EHMT2: variants seen among roughly 807,000 people sequenced by gnomAD.
EHMT2 encodes the protein euchromatic histone lysine methyltransferase 2, also known as histone-lysine N-methyltransferase EHMT2.
In EHMT2, 59 loss-of-function variants were observed where a neutral mutation model predicts 143.3. That is an observed-to-expected ratio of 0.41 (90% CI 0.33 to 0.51). The LOEUF is 0.51. EHMT2 is among the 20% of genes least tolerant of loss of function. The pLI, the probability that EHMT2 is intolerant of heterozygous loss-of-function variation, is 0.18. For synonymous variants in EHMT2, 604 were observed against 651.5 expected (o/e 0.93, Z 1.11); for missense variants, 1,174 against 1,645.9 (o/e 0.71, Z 4.96).
At chr6:31,886,680 C>G in exon 18 of EHMT2, 1 of 1,614,068 alleles carries the variant, frequency 6.2e-7, no homozygotes, top group South Asian at 1.1e-5. Context: ...AACCGTCCTC[C>G]TCCTGAGGGA....
intron 4 of EHMT2, among the ~76,000 whole-genome samples, chr6:31,894,079 T>C (rs1766043807): frequency 6.6e-6 from 1 of 152,046 alleles, no homozygotes; most frequent in Non-Finnish European, 1.5e-5. Flanking sequence ...GGTTCAAGCG[T>C]TTCTCTCACC....
intron 17 of EHMT2, 38 bp from the exon 18 acceptor site, chr6:31,886,720 A>G (rs762741247): frequency 1.2e-6 from 2 of 1,613,688 alleles, no homozygotes. Context: ...TTGGGCTGGC[A>G]CCCCAAACCT....
In EHMT2 at chr6:31,889,724, T is replaced by C; in HGVS notation, c.865-122A>G. The C allele has an allele frequency of 7.8e-7, 1 of 1,282,914 alleles. No homozygotes were observed. Among genetic ancestry groups the C allele is most frequent in the East Asian group, 2.3e-5 (1 of 43,340 alleles). 79.5% of individuals were successfully genotyped at this position (1,282,914 alleles called of 1,614,324 possible). On this transcript the variant is annotated intron_variant, in intron 7 of 27. Transcript: ENST00000375537. The surrounding 1 kb of genome is among the most constrained non-coding windows in gnomAD (Gnocchi z 5.1). ...CACGGATGGCTGCTGGGGATAAGTG[T>C]GGGTAGCAGAGGAGACAAAGGGCCA... is the stretch of plus-strand genomic sequence containing the variant.
In EHMT2 at chr6:31,896,826, T is replaced by C; in HGVS notation, c.110-2A>G. The C allele has an allele frequency of 1.2e-6, 2 of 1,612,788 alleles. No homozygotes were observed. Among genetic ancestry groups the C allele is most frequent in the Non-Finnish European group, 1.7e-6 (2 of 1,180,000 alleles). ...GGGTGTCCCCCAAAGAGCCATGAAC[T>C]GTAGAGGAAGAGAAAAAGTTCAGAG... On this transcript the variant is annotated splice_acceptor_variant, in intron 2 of 27. Coordinates refer to ENST00000375537, the Ensembl canonical transcript of EHMT2. LOFTEE classifies it high-confidence loss of function.
chr6:31,887,874 G>A, exon 14 of EHMT2: 1 of 1,611,890 alleles, frequency 6.2e-7, no homozygotes, highest in Non-Finnish European at 8.5e-7. Context: ...CATTGGGCAG[G>A]GTCAGGGAGG....
rs1765222332 is a variant in EHMT2 at position 31,888,561 on chromosome 6, G to A, written c.1365+38C>T. The stretch of plus-strand genomic sequence containing the variant: ...AGCGTGAGGCTGGGGCCGGGGACTG[G>A]ACGCCCTGGCACCTCTCCCACCAGC... On this transcript the variant is annotated intron_variant, in intron 11 of 27. Coordinates refer to ENST00000375537, the Ensembl canonical transcript of EHMT2. This position sits in a 1 kb window ranked among gnomAD's most constrained non-coding sequence, Gnocchi z 7.4. 1 of 1,609,442 alleles carries A rather than the reference G, an allele frequency of 6.2e-7. No individual in the cohort carries two copies.
At chr6:31,896,691 G>A (rs372420639) in exon 3 of EHMT2, 1 of 1,611,536 alleles carries the variant, frequency 6.2e-7, no homozygotes, top group Non-Finnish European at 8.5e-7. Flanking sequence ...CCCCTACAGG[G>A]GTGTCAGCCC....
exon 4 of EHMT2, chr6:31,896,489 G>T (rs1301432309): frequency 4.3e-6 from 7 of 1,613,026 alleles, no homozygotes; most frequent in Non-Finnish European, 5.9e-6. Flanking sequence ...CTTGCTGGGG[G>T]AAGAGGGGAA....
chr6:31,894,182 T>A (rs1178396272), intron 4 of EHMT2, among the ~76,000 whole-genome samples: 1 of 151,894 alleles, frequency 6.6e-6, no homozygotes, highest in Non-Finnish European at 1.5e-5. Context: ...GTTTTGCTCT[T>A]GTTGTCCAGG....
At position 31,892,392 on chromosome 6, in the gene EHMT2, C is replaced by T. The variant is rs375382894; in HGVS notation, c.864+15G>A. 22 of 1,610,342 alleles carry T rather than the reference C, an allele frequency of 1.4e-5. No homozygotes were observed. Among genetic ancestry groups the T allele is most frequent in the Non-Finnish European group, 1.8e-5 (21 of 1,178,216 alleles). On this transcript the variant is annotated intron_variant, in intron 7 of 27. Transcript: ENST00000375537. ...GGGGAGCACCGGCGGGGAGGGCAGA[C>T]CAGCTCTGTCTCACCTTGCTGTCGG...
Position 31,888,230 on chromosome 6 carries a change from A to G in EHMT2, c.1556T>C (p.Phe519Ser). Residue 519 changes from phenylalanine to serine, a missense_variant, in exon 13 of 28, where the codon TTC becomes TCC. Coordinates refer to ENST00000375537, the Ensembl canonical transcript of EHMT2. The surrounding 1 kb of genome is among the most constrained non-coding windows in gnomAD (Gnocchi z 7.4). Reference sequence around the variant, plus strand: ...CAGCTGAGACACACAGGCCTTGTGGAAGCGGTGGGCCACACGGAAGTCAGG... The same window carrying G: ...CAGCTGAGACACACAGGCCTTGTGGGAGCGGTGGGCCACACGGAAGTCAGG... 1 of 1,612,970 alleles carries G rather than the reference A, an allele frequency of 6.2e-7. No homozygotes were observed. Among genetic ancestry groups the G allele is most frequent in the Non-Finnish European group, 8.5e-7 (1 of 1,179,982 alleles).
Position 31,884,323 on chromosome 6 carries a change from A to G in EHMT2, c.2771+69T>C. ...GGGTTGGGGAATGTTGTGAGGATGCAATGGAGCCTGGGGAGGGTATGGGTG... is the reference window on the plus strand; with the variant it reads ...GGGTTGGGGAATGTTGTGAGGATGCGATGGAGCCTGGGGAGGGTATGGGTG... On this transcript the variant is annotated intron_variant, in intron 21 of 27. Coordinates refer to ENST00000375537, the Ensembl canonical transcript of EHMT2. This position sits in a 1 kb window ranked among gnomAD's most constrained non-coding sequence, Gnocchi z 7.3. The G allele has an allele frequency of 3.3e-6, 5 of 1,530,728 alleles. No homozygotes were observed. Among genetic ancestry groups the G allele is most frequent in the Non-Finnish European group, 4.4e-6 (5 of 1,133,644 alleles). The allele number at this position is 1,530,728 out of a possible 1,614,324, so 94.8% of individuals were successfully genotyped here.
intron 18 of EHMT2, 26 bp downstream of exon 18, chr6:31,886,555 G>A (rs1562487970): frequency 1.9e-6 from 3 of 1,596,580 alleles, no homozygotes; most frequent in African/African-American, 1.3e-5. Flanking sequence ...GGGACCCAGA[G>A]GGGCTGGGCT....
intron 4 of EHMT2, among the ~76,000 whole-genome samples, chr6:31,894,800 C>T (rs1369537094): frequency 7.3e-6 from 1 of 137,826 alleles, no homozygotes; most frequent in Non-Finnish European, 1.6e-5. Context: ...CGCCACCACA[C>T]CTGGCTAATT....
In EHMT2 at chr6:31,880,173, T is replaced by C; in HGVS notation, c.3544A>G (p.Ile1182Val). Residue 1182 changes from isoleucine (I) to valine (V), a missense_variant, in exon 28 of 28, where the codon ATT becomes GTT. Ile to Val is a conservative substitution (Grantham distance 29). Around this residue, in one of 6 missense-constraint regions of EHMT2, gnomAD observed 42 missense variants for 45.1 expected, o/e 0.93. Coordinates refer to ENST00000375537, the Ensembl canonical transcript of EHMT2. The surrounding 1 kb of genome is among the most constrained non-coding windows in gnomAD (Gnocchi z 6.6). ...GCCAGACGGCTCTGCTCCAGGGCAA[T>C]GGCTTCGGCTGAGTGCTTGCACTTC... The C allele has an allele frequency of 6.2e-7, 1 of 1,613,032 alleles. No individual in the cohort carries two copies. The highest frequency in any genetic ancestry group is 8.5e-7 in the Non-Finnish European group (1 of 1,180,016).
chr6:31,892,174 A>C (rs1360966190), intron 7 of EHMT2, among the ~76,000 whole-genome samples: 1 of 152,192 alleles, frequency 6.6e-6, no homozygotes, highest in East Asian at 1.9e-4. Flanking sequence ...CCCTGGAGAC[A>C]GAGGTTGCAG....
Position 31,881,205 on chromosome 6 carries a change from G to A in EHMT2, c.3198-113C>T. ...AATCTGGAATGGGCAGGGCTGGCAG[G>A]TGTGGGGAAGGGAAGGCCTGGAGCA... On this transcript the variant is annotated intron_variant, in intron 25 of 27. Coordinates refer to ENST00000375537, the Ensembl canonical transcript of EHMT2. This position sits in a 1 kb window ranked among gnomAD's most constrained non-coding sequence, Gnocchi z 4.8. 2.1e-6 allele frequency: 2 copies of A among 937,268 alleles called. No homozygotes were observed. The highest frequency in any genetic ancestry group is 1.3e-5 in the South Asian group (1 of 76,168). 58.1% of individuals were successfully genotyped at this position (937,268 alleles called of 1,614,324 possible).
At chr6:31,887,650 C>T (rs1453540221) in exon 15 of EHMT2, 1 of 1,612,926 alleles carries the variant, frequency 6.2e-7, no homozygotes, top group Non-Finnish European at 8.5e-7. Context: ...GGAAACGGAG[C>T]TTCTTCCGCC....
At chr6:31,897,539 C>T (rs1766728012) in intron 1 of EHMT2, 97 bp downstream of exon 1, 3 of 1,022,066 alleles carry the variant, frequency 2.9e-6, no homozygotes, top group East Asian at 4.9e-5. Context: ...GCCCGGGCCC[C>T]CCGGCCCCGT....
Sources: gnomAD v4.1 joint callset for allele counts (sites outside exome capture counted in the v4.1 genomes callset) on GRCh38, gnomAD v4.1.1 for gene constraint, gnomAD v4.1.1 regional missense constraint, Gnocchi (gnomAD v3.1) non-coding constraint, MANE v1.5 for transcripts, NCBI Gene and HGNC (gene_info 2026-07-23, HGNC 2026-07-21) for gene names.